Variants in REV3L observed in about 807,000 individuals in gnomAD.
REV3L encodes REV3 like, DNA directed polymerase zeta catalytic subunit, also known as DNA polymerase zeta catalytic subunit.
A neutral mutation model predicts 299.4 loss-of-function variants in REV3L; 69 were observed. The observed-to-expected ratio is 0.23, with a 90% CI of 0.19 to 0.28. The LOEUF is 0.28. REV3L is among the 10% of genes least tolerant of loss of function. The pLI is 1.00. For missense variants in REV3L, 3,128 were observed against 3,693.8 expected, an observed-to-expected ratio of 0.85 and a Z score of 3.97; for synonymous variants, 1,238 against 1,271.4, an observed-to-expected ratio of 0.97 and a Z score of 0.56.
intron 1 of REV3L, among the ~76,000 whole-genome samples, chr6:111,472,573 C>T (rs1382953034): frequency 6.8e-6 from 1 of 146,542 alleles, no homozygotes; most frequent in African/African-American, 2.5e-5. Context: ...TAGAATTGGC[C>T]AAAAAAGAAA....
chr6:111,379,873 T>C (rs1217927309), intron 11 of REV3L, 109 bp downstream of exon 11: 4 of 742,410 alleles, frequency 5.4e-6, no homozygotes. Flanking sequence ...AAAACATCAA[T>C]TTAGTTCATA....
chr6:111,468,185 C>T (rs1791735507), intron 1 of REV3L, among the ~76,000 whole-genome samples: 1 of 152,126 alleles, frequency 6.6e-6, no homozygotes, highest in Admixed American at 6.5e-5. Flanking sequence ...AAAAAGTTCT[C>T]TACAAAAGAT....
upstream of REV3L, chr6:111,483,599 C>T: frequency 4.4e-6 from 2 of 452,786 alleles, no homozygotes; most frequent in South Asian, 1.6e-5. Context: ...TCACACTTGC[C>T]TCGCCGACCG....
chr6:111,471,211 T>G (rs1792162843), intron 1 of REV3L, among the ~76,000 whole-genome samples: 1 of 152,136 alleles, frequency 6.6e-6, no homozygotes, highest in Admixed American at 6.5e-5. Flanking sequence ...ACCTTTACTG[T>G]GACATCTAGC....
rs1218715685 is a variant in REV3L, at chr6:111,310,089, T to C, written c.8806A>G (p.Thr2936Ala). ...PALELTRKML[T>A]YDRRSEPQVG... is the part of the protein sequence containing the mutation. ...TGAGGCTCAGAGCGCCGGTCATAAG[T>C]CAGCATTTTCCTATTCGAATTCAAA... The change falls in exon 30 of 32, where the codon ACT (threonine) becomes GCT (alanine). Residue 2936 changes from threonine to alanine, a missense_variant. Around this residue, in one of 9 missense-constraint regions of REV3L, gnomAD observed 294 missense variants for 377.0 expected, o/e 0.78. Coordinates refer to ENST00000368802, the MANE Select transcript of REV3L (RefSeq NM_001372078.1). 1 of 1,537,082 alleles carries C rather than the reference T, an allele frequency of 6.5e-7. No homozygotes were observed. Among genetic ancestry groups the C allele is most frequent in the Non-Finnish European group, 8.8e-7 (1 of 1,141,206 alleles).
intron 1 of REV3L, among the ~76,000 whole-genome samples, chr6:111,476,633 T>C (rs1792978019): frequency 6.6e-6 from 1 of 152,220 alleles, no homozygotes. Context: ...AATTCTAGTC[T>C]TTACTCTGTT....
chr6:111,308,580 T>TA (rs760998009), intron 30 of REV3L, among the ~76,000 whole-genome samples: 59 of 152,238 alleles, frequency 3.9e-4, no homozygotes, highest in Non-Finnish European at 2.9e-4. Context: ...TGAACCATCA[T>TA]AAGTTGGGGA....
intron 7 of REV3L, 94 bp from the exon 8 acceptor site, chr6:111,388,179 T>A (rs1482718299): frequency 2.6e-6 from 2 of 776,510 alleles, no homozygotes; most frequent in Non-Finnish European, 4.2e-6. Context: ...GGTGGCAATT[T>A]CCTATCTTTC....
At chr6:111,443,105 T>A (rs982520359) in intron 1 of REV3L, among the ~76,000 whole-genome samples, 1 of 152,208 alleles carries the variant, frequency 6.6e-6, no homozygotes, top group Non-Finnish European at 1.5e-5. Context: ...TCTGTTTTTA[T>A]TCACAAGACT....
chr6:111,363,480 T>G (rs1031589689), intron 16 of REV3L, among the ~76,000 whole-genome samples: 1 of 152,090 alleles, frequency 6.6e-6, no homozygotes, highest in African/African-American at 2.4e-5. Context: ...TAATTTTATT[T>G]TTATTTTTTG....
At chr6:111,437,700 A>G (rs1238079042) in intron 1 of REV3L, among the ~76,000 whole-genome samples, 2 of 152,126 alleles carry the variant, frequency 1.3e-5, no homozygotes, top group Non-Finnish European at 2.9e-5. Context: ...TTGGTGGGAA[A>G]TGAGTACTGA....
At chr6:111,341,290 C>T (rs1251401729) in intron 21 of REV3L, among the ~76,000 whole-genome samples, 1 of 152,010 alleles carries the variant, frequency 6.6e-6, no homozygotes, top group Non-Finnish European at 1.5e-5. Flanking sequence ...TCAGGTGATC[C>T]GCCCGCCTCG....
chr6:111,445,131 T>C (rs1477490868), intron 1 of REV3L, among the ~76,000 whole-genome samples: 2 of 152,202 alleles, frequency 1.3e-5, no homozygotes, highest in Non-Finnish European at 2.9e-5. Context: ...CAAAAACTTT[T>C]GGGGTCCACT....
Position 111,462,810 on chromosome 6 carries a change from A to G in REV3L, c.139+19940T>C, listed in dbSNP as rs143569111. 7.6e-4 allele frequency among the ~76,000 whole-genome samples: 116 copies of G among 152,304 alleles called. 5 individuals carry two copies. The East Asian group carries it at 0.022, about 29-fold the overall frequency. ...CTTATGACGAATAAATAGTAAATAT[A>G]GATTCACTCAGCAAATATTAAAAAC... On this transcript the variant is annotated intron_variant, in intron 1 of 31. Transcript: ENST00000368802.
chr6:111,417,124 A>G (rs1255532666), intron 1 of REV3L, among the ~76,000 whole-genome samples: 1 of 152,190 alleles, frequency 6.6e-6, no homozygotes, highest in Non-Finnish European at 1.5e-5. Context: ...AGGGGAGACA[A>G]AAGGCCAACA....
intron 3 of REV3L, among the ~76,000 whole-genome samples, chr6:111,409,890 T>C (rs1350405416): frequency 6.6e-6 from 1 of 152,200 alleles, no homozygotes; most frequent in East Asian, 1.9e-4. Flanking sequence ...ACCACAATTT[T>C]TGCTTATATA....
Position 111,482,821 on chromosome 6 carries a change from C to A in REV3L, c.68G>T (p.Cys23Phe). 1 of 1,505,232 alleles carries A rather than the reference C, an allele frequency of 6.6e-7. No individual in the cohort carries two copies. The highest frequency in any genetic ancestry group is 8.8e-7 in the Non-Finnish European group (1 of 1,132,458). The allele number at this position is 1,505,232 out of a possible 1,614,324, so 93.2% of individuals were successfully genotyped here. Residue 23 changes from cysteine to phenylalanine, a missense_variant, in exon 1 of 32, where the codon TGC becomes TTC. Cys to Phe is a radical substitution (Grantham distance 205). This residue lies in a region of REV3L where 48 missense variants were observed against 42.8 expected (regional missense o/e 1.12). Transcript: ENST00000368802. ...MASPLQGLDTCQSPLTQAPVK... is the reference protein window; with the variant it reads ...MASPLQGLDTFQSPLTQAPVK... ...AGGGGCCTGGGTGAGGGGGGATTGG[C>A]AGGTATCCAGCCCCTGCAGCGGGCT...
intron 1 of REV3L, among the ~76,000 whole-genome samples, chr6:111,451,329 T>A (rs1378677308): frequency 1.3e-5 from 2 of 152,166 alleles, no homozygotes; most frequent in Non-Finnish European, 2.9e-5. Context: ...TTTCCCAACT[T>A]CTTCTGGGCT....
intron 4 of REV3L, among the ~76,000 whole-genome samples, chr6:111,402,687 A>C (rs1262930747): frequency 6.6e-6 from 1 of 152,188 alleles, no homozygotes; most frequent in Non-Finnish European, 1.5e-5. Context: ...TGGTAGAAGA[A>C]ATGCGAGGAG....
Sources: gnomAD v4.1 joint callset for allele counts (sites outside exome capture counted in the v4.1 genomes callset) on GRCh38, gnomAD v4.1.1 for gene constraint, gnomAD v4.1.1 regional missense constraint, MANE v1.5 for transcripts, NCBI Gene and HGNC (gene_info 2026-07-23, HGNC 2026-07-21) for gene names.